Variants in ELP4 observed in about 807,000 individuals in gnomAD.
ELP4 encodes elongator complex protein 4.
ELP4 carries 51 observed loss-of-function variants against 48.9 expected under a neutral mutation model. The observed-to-expected ratio is 1.04, with a 90% CI of 0.83 to 1.32. The LOEUF (loss-of-function observed/expected upper bound fraction) is 1.32. Among genes scored for constraint, ELP4 ranks in the 40% most tolerant of loss-of-function variants. The pLI is 0.00. For missense variants in ELP4, 519 were observed against 514.6 expected (o/e 1.01, Z -0.08); for synonymous variants, 210 against 189.2 (o/e 1.11, Z -0.90).
intron 3 of ELP4, among the ~76,000 whole-genome samples, chr11:31,549,572 A>G (rs1956802445): frequency 6.6e-6 from 1 of 151,942 alleles, no homozygotes; most frequent in Admixed American, 6.6e-5. Context: ...TGTGGAAGTC[A>G]GTGTGGTGAT....
chr11:31,675,259 A>T (rs995501100), intron 9 of ELP4, among the ~76,000 whole-genome samples: 3 of 148,876 alleles, frequency 2.0e-5, no homozygotes, highest in Non-Finnish European at 3.0e-5. Context: ...AACAATTAAT[A>T]CATTTAATCT....
intron 9 of ELP4, among the ~76,000 whole-genome samples, chr11:31,735,986 A>G (rs1295410803): frequency 6.6e-6 from 1 of 152,202 alleles, no homozygotes; most frequent in Non-Finnish European, 1.5e-5. Context: ...TTTAAAGTTC[A>G]TATGGAACCA....
intron 5 of ELP4, among the ~76,000 whole-genome samples, chr11:31,619,155 T>C (rs759876300): frequency 6.6e-6 from 1 of 151,964 alleles, no homozygotes; most frequent in Non-Finnish European, 1.5e-5. Flanking sequence ...GATAACGATA[T>C]GTTTATATAT....
intron 9 of ELP4, among the ~76,000 whole-genome samples, chr11:31,694,760 A>G (rs1946363008): frequency 6.6e-6 from 1 of 152,126 alleles, no homozygotes; most frequent in Non-Finnish European, 1.5e-5. Flanking sequence ...CAGTACGGCC[A>G]TTTTCACGAT....
At chr11:31,688,385 C>G (rs914127370) in intron 9 of ELP4, among the ~76,000 whole-genome samples, 1 of 152,122 alleles carries the variant, frequency 6.6e-6, no homozygotes, top group African/African-American at 2.4e-5. Context: ...AATAATTGAC[C>G]TTTGAAAGTC....
At chr11:31,618,737 A>C (rs943727387) in intron 5 of ELP4, among the ~76,000 whole-genome samples, 1 of 152,100 alleles carries the variant, frequency 6.6e-6, no homozygotes, top group Non-Finnish European at 1.5e-5. Context: ...GGAGAATTGG[A>C]GGGAGTTGAT....
At chr11:31,590,720 T>C (rs553620921) in intron 3 of ELP4, among the ~76,000 whole-genome samples, 164 of 152,238 alleles carry the variant, frequency 1.1e-3, no homozygotes, top group Non-Finnish European at 2.0e-3. Flanking sequence ...AGATGGCAAA[T>C]TGAGAACAGG....
intron 9 of ELP4, among the ~76,000 whole-genome samples, chr11:31,725,489 T>G (rs1385291993): frequency 6.6e-6 from 1 of 152,190 alleles, no homozygotes; most frequent in Non-Finnish European, 1.5e-5. Flanking sequence ...TCTCCCTGCC[T>G]TGCTTGACAG....
chr11:31,647,910 C>A, intron 8 of ELP4, 61 bp downstream of exon 8: 1 of 898,102 alleles, frequency 1.1e-6, no homozygotes, highest in Non-Finnish European at 1.9e-6. Flanking sequence ...TACCTGGAAG[C>A]ATCCTATTCA....
intron 9 of ELP4, among the ~76,000 whole-genome samples, chr11:31,776,709 A>T (rs180802264): frequency 5.4e-4 from 83 of 152,362 alleles, no homozygotes; most frequent in Non-Finnish European, 7.1e-4. Context: ...GCCAATGTGC[A>T]GTGTTCCAGT....
rs138621269 is a variant in ELP4, at chr11:31,651,262, A to T, written c.1143+1041A>T. ...CATTTGCAAGTAGCACTAACCTATA[A>T]ATCATTGTAAGGGCCCTATCCAGTG... On this transcript the variant is annotated intron_variant, in intron 9 of 9. Coordinates refer to ENST00000640961, the MANE Select transcript of ELP4 (RefSeq NM_019040.5). 4.2e-3 allele frequency: 641 copies of T among 151,686 alleles called. 4 individuals are homozygous for T. The highest frequency in any genetic ancestry group is 0.019 in the South Asian group (90 of 4,798). 9.4% of individuals were successfully genotyped at this position (151,686 alleles called of 1,614,324 possible).
chr11:31,630,975 C>G (rs1944849384), intron 6 of ELP4, among the ~76,000 whole-genome samples: 1 of 151,914 alleles, frequency 6.6e-6, no homozygotes, highest in African/African-American at 2.4e-5. Flanking sequence ...AAAGAGAAAA[C>G]AAAGTCCTAA....
Position 31,543,405 on chromosome 11 carries a change from C to T in ELP4, c.381+3622C>T, listed in dbSNP as rs375847111. On this transcript the variant is annotated intron_variant, in intron 3 of 9. Transcript: ENST00000640961. ...TGTGATCTTGGCCCACTGCAAGCTC[C>T]GCCTCCCGGGTTCATGCCATTCTCC... Among the ~76,000 whole-genome samples the T allele has an allele frequency of 6.6e-5, 10 of 151,944 alleles. 1 individual carries two copies. Among genetic ancestry groups the T allele is most frequent in the South Asian group, 4.2e-4 (2 of 4,812 alleles).
chr11:31,658,777 G>C (rs561169593), intron 9 of ELP4, among the ~76,000 whole-genome samples: 1 of 151,880 alleles, frequency 6.6e-6, no homozygotes, highest in South Asian at 2.1e-4. Context: ...AGATAATCAA[G>C]GTATATACAA....
At chr11:31,583,685 G>T (rs766213317) in intron 3 of ELP4, among the ~76,000 whole-genome samples, 24 of 152,102 alleles carry the variant, frequency 1.6e-4, no homozygotes, top group Non-Finnish European at 1.9e-4. Flanking sequence ...TCAAAATTCT[G>T]GTTGATATAA....
At chr11:31,726,705 T>G (rs914695078) in intron 9 of ELP4, among the ~76,000 whole-genome samples, 27 of 152,184 alleles carry the variant, frequency 1.8e-4, no homozygotes, top group African/African-American at 6.3e-4. Flanking sequence ...CACATTACCT[T>G]GTTTAGCCCA....
intron 9 of ELP4, among the ~76,000 whole-genome samples, chr11:31,672,530 C>T (rs1334076414): frequency 3.3e-5 from 5 of 152,336 alleles, no homozygotes; most frequent in African/African-American, 1.2e-4. Flanking sequence ...TGGTTCCCAC[C>T]TGTAATCCTG....
intron 9 of ELP4, among the ~76,000 whole-genome samples, chr11:31,693,388 C>G (rs1172929937): frequency 6.6e-6 from 1 of 152,026 alleles, no homozygotes; most frequent in Non-Finnish European, 1.5e-5. Context: ...CAATTCCCAC[C>G]TATGAGTAAG....
intron 9 of ELP4, among the ~76,000 whole-genome samples, chr11:31,713,224 C>T (rs1946778486): frequency 6.6e-6 from 1 of 152,116 alleles, no homozygotes; most frequent in South Asian, 2.1e-4. Context: ...TCCAATCAAC[C>T]TTCATGAAAT....
Sources: gnomAD v4.1 joint callset for allele counts (sites outside exome capture counted in the v4.1 genomes callset) on GRCh38, gnomAD v4.1.1 for gene constraint, MANE v1.5 for transcripts, NCBI Gene and HGNC (gene_info 2026-07-23, HGNC 2026-07-21) for gene names.